The following PARVA variants were observed in gnomAD, a reference collection of about 807,000 sequenced individuals.
PARVA encodes the protein alpha-parvin.
In PARVA, 25 loss-of-function variants were observed where a neutral mutation model predicts 52.6. That is an observed-to-expected ratio of 0.48 (90% CI 0.35 to 0.66). PARVA has a LOEUF of 0.66. Ranked by LOEUF, PARVA falls within the 30% of genes least tolerant of loss-of-function variation. PARVA has a pLI of 0.01. For missense variants in PARVA, 373 were observed against 450.9 expected (o/e 0.83, Z 1.56); for synonymous variants, 185 against 179.1 (o/e 1.03, Z -0.26).
At chr11:12,527,460 C>T (rs1941718640) in intron 12 of PARVA, among the ~76,000 whole-genome samples, 1 of 152,180 alleles carries the variant, frequency 6.6e-6, no homozygotes, top group South Asian at 2.1e-4. Context: ...GTACTCCTTG[C>T]AAGTCCCCCT....
intron 1 of PARVA, among the ~76,000 whole-genome samples, chr11:12,450,488 A>G (rs1224158045): frequency 6.6e-6 from 1 of 152,226 alleles, no homozygotes; most frequent in Non-Finnish European, 1.5e-5. Context: ...TTAAGGGAAA[A>G]GAGAATGAAG....
At chr11:12,377,218 C>G, upstream of PARVA, 1 of 330,932 alleles carries the variant, frequency 3.0e-6, no homozygotes, top group South Asian at 9.2e-5. Context: ...GCGAGCTCAC[C>G]AGCCGCCGGC....
chr11:12,377,378 G>C (rs377302884), upstream of PARVA: 61 of 1,345,434 alleles, frequency 4.5e-5, no homozygotes, highest in East Asian at 4.4e-4. Flanking sequence ...CCTGCAAGGG[G>C]CAGTTTTGGG....
chr11:12,525,800 A>G (rs962207049), intron 12 of PARVA, among the ~76,000 whole-genome samples: 4 of 152,140 alleles, frequency 2.6e-5, no homozygotes, highest in African/African-American at 9.6e-5. Context: ...AGGCCTCTCC[A>G]TGGGTCTCTG....
chr11:12,490,935 TAGAAAC>T (rs1192506675), intron 4 of PARVA, among the ~76,000 whole-genome samples: 3 of 151,476 alleles, frequency 2.0e-5, no homozygotes, highest in Non-Finnish European at 2.9e-5. Flanking sequence ...ACTGAAATAA[TAGAAAC>T]AGAGTATATA....
At chr11:12,513,540 C>A in intron 9 of PARVA, 180 bp downstream of exon 9, 1 of 718,426 alleles carries the variant, frequency 1.4e-6, no homozygotes, top group Middle Eastern at 2.3e-4. Context: ...GGATGTTGCA[C>A]CTGGGCCTTT....
chr11:12,443,545 T>C (rs1017522674), intron 1 of PARVA, among the ~76,000 whole-genome samples: 1 of 152,070 alleles, frequency 6.6e-6, no homozygotes, highest in Non-Finnish European at 1.5e-5. Flanking sequence ...AGGTGTAGGA[T>C]TCAAAGGAAC....
At chr11:12,483,885 C>G (rs1252871474) in intron 4 of PARVA, among the ~76,000 whole-genome samples, 2 of 152,218 alleles carry the variant, frequency 1.3e-5, no homozygotes, top group Non-Finnish European at 2.9e-5. Flanking sequence ...AACCTCAGAG[C>G]AGAGGTTTCC....
At chr11:12,442,163 G>A (rs1404685975) in intron 1 of PARVA, among the ~76,000 whole-genome samples, 2 of 152,242 alleles carry the variant, frequency 1.3e-5, no homozygotes, top group Non-Finnish European at 2.9e-5. Context: ...GAGAAGTAGC[G>A]AGGCAGCAAC....
At chr11:12,393,072 G>GA (rs987425540) in intron 1 of PARVA, among the ~76,000 whole-genome samples, 1 of 120,510 alleles carries the variant, frequency 8.3e-6, no homozygotes, top group Non-Finnish European at 1.8e-5. Context: ...AAAAAAGAAA[G>GA]AAAAAAAATA....
chr11:12,444,607 G>C (rs1023951369), intron 1 of PARVA, among the ~76,000 whole-genome samples: 13 of 152,032 alleles, frequency 8.6e-5, no homozygotes, highest in African/African-American at 3.1e-4. Flanking sequence ...ACCTCACCCA[G>C]CTATTTTTTA....
intron 4 of PARVA, among the ~76,000 whole-genome samples, chr11:12,493,366 AAAAAG>A (rs990794533): frequency 5.9e-5 from 9 of 152,026 alleles, no homozygotes; most frequent in Non-Finnish European, 8.8e-5. Flanking sequence ...AAAAAAAAAA[AAAAAG>A]AGAGAATATT....
Position 12,377,621 on chromosome 11 carries a change from C to T in PARVA, c.-27C>T, listed in dbSNP as rs1939413505. 2 of 1,560,988 alleles carry T rather than the reference C, an allele frequency of 1.3e-6. No individual in the cohort carries two copies. The highest frequency in any genetic ancestry group is 1.7e-6 in the Non-Finnish European group (2 of 1,159,854). ...GCCCAGCGCCAGCTCCGCGTCCCGA[C>T]CGGCCCGCGGCAGCCTGCGCCGCGC... is the stretch of plus-strand genomic sequence containing the variant. On this transcript the variant is annotated 5_prime_UTR_variant, in exon 1 of 13. Coordinates refer to ENST00000334956, the MANE Select transcript of PARVA (RefSeq NM_018222.5).
intron 10 of PARVA, among the ~76,000 whole-genome samples, chr11:12,515,620 C>G (rs1264931575): frequency 6.6e-6 from 1 of 152,184 alleles, no homozygotes; most frequent in African/African-American, 2.4e-5. Flanking sequence ...ATGACCCCAA[C>G]CCTAACCCAA....
intron 1 of PARVA, among the ~76,000 whole-genome samples, chr11:12,423,883 C>T (rs576494701): frequency 3.9e-5 from 6 of 152,092 alleles, no homozygotes; most frequent in Non-Finnish European, 8.8e-5. Context: ...TATAATATGT[C>T]TTAAAATTTG....
rs184461284 is a variant in PARVA at position 12,421,857 on chromosome 11, T to G, written c.136+44074T>G. Among the ~76,000 whole-genome samples the G allele has an allele frequency of 2.0e-3, 301 of 152,310 alleles. 1 individual carries two copies. The highest frequency in any genetic ancestry group is 6.8e-3 in the Middle Eastern group (2 of 294). On this transcript the variant is annotated intron_variant, in intron 1 of 12. Coordinates refer to ENST00000334956, the MANE Select transcript of PARVA (RefSeq NM_018222.5). ...TCAGATCTTTATCTGATTATGTTCT[T>G]TTGGAGTTAAACTAAGTTCTAGAAA... is the stretch of plus-strand genomic sequence containing the variant.
chr11:12,469,071 G>A (rs929120019), intron 1 of PARVA, among the ~76,000 whole-genome samples: 1 of 152,192 alleles, frequency 6.6e-6, no homozygotes, highest in Non-Finnish European at 1.5e-5. Flanking sequence ...CAGGGAAAAC[G>A]GATAAATGTT....
At chr11:12,492,359 T>G (rs1446008893) in intron 4 of PARVA, among the ~76,000 whole-genome samples, 3 of 152,126 alleles carry the variant, frequency 2.0e-5, no homozygotes, top group Non-Finnish European at 4.4e-5. Flanking sequence ...TTATGAAGAG[T>G]TAAACTAGTT....
At position 12,511,365 on chromosome 11, in the gene PARVA, A is replaced by T. The variant is rs12283539; in HGVS notation, c.717-149A>T. The T allele has an allele frequency of 1.2e-3, 827 of 707,658 alleles. 7 individuals are homozygous for T. Among genetic ancestry groups the T allele is most frequent in the South Asian group, 7.8e-3 (457 of 58,538 alleles). The allele number at this position is 707,658 out of a possible 1,614,324, so 43.8% of individuals were successfully genotyped here. ...TGCAGAATAAAATGCCAATGGAAGG[A>T]GGCTTTTTGAGCTCCTCAACCAAGG... On this transcript the variant is annotated intron_variant, in intron 7 of 12. Coordinates refer to ENST00000334956, the MANE Select transcript of PARVA (RefSeq NM_018222.5).
Sources: allele counts gnomAD v4.1 joint callset (sites outside exome capture counted in the v4.1 genomes callset), GRCh38; gene constraint gnomAD v4.1.1; transcripts MANE v1.5; gene names NCBI Gene and HGNC (gene_info 2026-07-23, HGNC 2026-07-21).